RBFOX1: variants seen among roughly 807,000 people sequenced by gnomAD.
RBFOX1 encodes the protein RNA binding fox-1 homolog 1, also known as RNA binding protein fox-1 homolog 1.
A neutral mutation model predicts 57.7 loss-of-function variants in RBFOX1; 8 were observed. The observed-to-expected ratio is 0.14, with a 90% CI of 0.08 to 0.25. The LOEUF (loss-of-function observed/expected upper bound fraction) is 0.25. Among genes scored for constraint, RBFOX1 ranks in the 10% least tolerant of loss-of-function variants. RBFOX1 has a pLI of 1.00. For synonymous variants in RBFOX1, 326 were observed against 222.4 expected, an observed-to-expected ratio of 1.47 and a Z score of -4.15; for missense variants, 611 against 548.5, an observed-to-expected ratio of 1.11 and a Z score of -1.14.
intron 2 of RBFOX1, among the ~76,000 whole-genome samples, chr16:5,471,490 C>G (rs2069133997): frequency 2.6e-5 from 4 of 151,964 alleles, no homozygotes; most frequent in Admixed American, 2.6e-4. Flanking sequence ...GCTGGCAGCC[C>G]AGGAAGCTGA....
chr16:7,343,309 T>G (rs1187893446), intron 4 of RBFOX1, among the ~76,000 whole-genome samples: 1 of 152,130 alleles, frequency 6.6e-6, no homozygotes, highest in Non-Finnish European at 1.5e-5. Flanking sequence ...CATCCAGATG[T>G]TCCCCCAAAG....
chr16:5,604,716 T>C (rs1333341349), downstream of RBFOX1, among the ~76,000 whole-genome samples: 1 of 152,200 alleles, frequency 6.6e-6, no homozygotes, highest in Non-Finnish European at 1.5e-5. Context: ...TCTGGATTTC[T>C]CCTCTTCTTG....
intron 4 of RBFOX1, among the ~76,000 whole-genome samples, chr16:5,944,979 A>AAAAAC (rs2059369004): frequency 3.7e-5 from 5 of 134,478 alleles, no homozygotes; most frequent in African/African-American, 1.4e-4. Context: ...AAAAAAAAAA[A>AAAAAC]AAAAAAAAAG....
chr16:7,080,957 C>G (rs1377421724), intron 4 of RBFOX1, among the ~76,000 whole-genome samples: 9 of 152,182 alleles, frequency 5.9e-5, no homozygotes, highest in Non-Finnish European at 1.2e-4. Context: ...CCTTTAGTAA[C>G]TAAAGCTCTG....
At position 7,142,408 on chromosome 16, in the gene RBFOX1, C is replaced by A. The variant is rs1361160282; in HGVS notation, c.27+90310C>A. Among the ~76,000 whole-genome samples the A allele has an allele frequency of 2.6e-5, 4 of 152,112 alleles. No homozygotes were observed. In the South Asian group the frequency reaches 8.3e-4, roughly 32 times the overall value. On this transcript the variant is annotated intron_variant, in intron 4 of 15. Coordinates refer to ENST00000550418, the MANE Select transcript of RBFOX1 (RefSeq NM_018723.4). ...CATGTCCTGAGCTTCTTGTTGATGTCATTTCGTGTCACTCTTCCATCAGCC... is the reference window on the plus strand; with the variant it reads ...CATGTCCTGAGCTTCTTGTTGATGTAATTTCGTGTCACTCTTCCATCAGCC...
At chr16:5,697,833 G>A (rs2050898090) in intron 3 of RBFOX1, among the ~76,000 whole-genome samples, 1 of 152,090 alleles carries the variant, frequency 6.6e-6, no homozygotes, top group African/African-American at 2.4e-5. Flanking sequence ...ATTAGTGGGA[G>A]TCCATCTATA....
chr16:7,248,474 C>T (rs575423829), intron 4 of RBFOX1, among the ~76,000 whole-genome samples: 2 of 152,334 alleles, frequency 1.3e-5, no homozygotes, highest in South Asian at 2.1e-4. Context: ...TGAACAGAGA[C>T]TTTCACGCTT....
At chr16:6,251,804 C>G (rs554907530) in intron 1 of RBFOX1, among the ~76,000 whole-genome samples, 4 of 152,076 alleles carry the variant, frequency 2.6e-5, no homozygotes, top group Middle Eastern at 3.2e-3. Flanking sequence ...CGGGACTTCT[C>G]AAAGCCCTGC....
At chr16:6,067,047 A>C (rs1459396657) in intron 1 of RBFOX1, among the ~76,000 whole-genome samples, 1 of 152,192 alleles carries the variant, frequency 6.6e-6, no homozygotes, top group Non-Finnish European at 1.5e-5. Context: ...GCAATTTACA[A>C]GTGATCTGAG....
chr16:6,767,280 C>G (rs780386942), intron 3 of RBFOX1, among the ~76,000 whole-genome samples: 1 of 152,016 alleles, frequency 6.6e-6, no homozygotes, highest in Non-Finnish European at 1.5e-5. Flanking sequence ...CAAGGAGACT[C>G]AGTCTCAGAA....
chr16:7,090,059 T>C (rs2151088309), intron 4 of RBFOX1, among the ~76,000 whole-genome samples: 1 of 152,316 alleles, frequency 6.6e-6, no homozygotes, highest in East Asian at 1.9e-4. Context: ...GCAGAGGTTC[T>C]GCTCTTGCCT....
At chr16:5,657,138 G>A (rs2049457312) in intron 3 of RBFOX1, among the ~76,000 whole-genome samples, 2 of 152,096 alleles carry the variant, frequency 1.3e-5, no homozygotes, top group South Asian at 2.1e-4. Context: ...AATATATGTG[G>A]TATACATCTC....
intron 2 of RBFOX1, among the ~76,000 whole-genome samples, chr16:6,590,019 T>A (rs75117194): frequency 0.026 from 3,903 of 152,222 alleles, 126 homozygotes; most frequent in African/African-American, 0.074. Context: ...TAGCTCTTAG[T>A]CTTGGTTGGG....
At chr16:6,504,083 T>G (rs1449479246) in intron 2 of RBFOX1, among the ~76,000 whole-genome samples, 1 of 152,214 alleles carries the variant, frequency 6.6e-6, no homozygotes, top group Non-Finnish European at 1.5e-5. Flanking sequence ...TGGTTCTTTT[T>G]TGTTCCTTCA....
At chr16:7,291,937 A>C (rs372948920) in intron 4 of RBFOX1, among the ~76,000 whole-genome samples, 4 of 139,220 alleles carry the variant, frequency 2.9e-5, no homozygotes, top group African/African-American at 1.1e-4. Flanking sequence ...TATTTTATAT[A>C]TTATATATTA....
chr16:7,225,919 T>TATATATATATATATATATAA lies in RBFOX1; in HGVS notation c.27+173822_27+173823insTATATATATATATATATAAA, dbSNP rs1315130232. Among the ~76,000 whole-genome samples, 245 of 142,088 alleles carry TATATATATATATATATATAA rather than the reference T, an allele frequency of 1.7e-3. 1 individual carries two copies. Among genetic ancestry groups the TATATATATATATATATATAA allele is most frequent in the African/African-American group, 6.2e-3 (228 of 36,858 alleles). The allele number at this position is 142,088 out of a possible 152,430, so 93.2% of individuals were successfully genotyped here. A position where few individuals can be genotyped will look rare whatever the true frequency, so the allele number is the denominator to read the frequency against. Reference sequence around the variant, plus strand: ...AAAGTATAATAAATATATATATATATAAATGTGAATGTCATGTTTCTGAGA... The same window carrying TATATATATATATATATATAA: ...AAAGTATAATAAATATATATATATATATATATATATATATATATAAAAATGTGAATGTCATGTTTCTGAGA... On this transcript the variant is annotated intron_variant, in intron 4 of 15. Transcript: ENST00000550418.
At chr16:6,821,026 C>T (rs2091202952) in intron 3 of RBFOX1, among the ~76,000 whole-genome samples, 2 of 152,166 alleles carry the variant, frequency 1.3e-5, no homozygotes, top group African/African-American at 2.4e-5. Flanking sequence ...TCACTTAATT[C>T]TTAACCCTAC....
chr16:5,771,059 C>T (rs1296872190), intron 3 of RBFOX1, among the ~76,000 whole-genome samples: 1 of 152,160 alleles, frequency 6.6e-6, no homozygotes, highest in East Asian at 1.9e-4. Flanking sequence ...CCTGAGGCTG[C>T]CTCCCAGATC....
chr16:7,036,815 G>A (rs1458264796), intron 3 of RBFOX1, among the ~76,000 whole-genome samples: 3 of 152,156 alleles, frequency 2.0e-5, no homozygotes, highest in African/African-American at 7.2e-5. Flanking sequence ...GAATAAGAAT[G>A]GCTAGTTCAT....
Sources: gnomAD v4.1 joint callset for allele counts (sites outside exome capture counted in the v4.1 genomes callset) on GRCh38, gnomAD v4.1.1 for gene constraint, MANE v1.5 for transcripts, NCBI Gene and HGNC (gene_info 2026-07-23, HGNC 2026-07-21) for gene names.